The following CPSF2 variants were observed in gnomAD, a reference collection of about 807,000 sequenced individuals.
CPSF2 encodes the protein cleavage and polyadenylation specific factor 2, also known as cleavage and polyadenylation specificity factor subunit 2.
CPSF2 carries 51 observed loss-of-function variants against 84.2 expected under a neutral mutation model. The ratio of observed to expected loss-of-function variants is 0.61; its 90% CI spans 0.48 to 0.77. CPSF2 has a LOEUF of 0.77. CPSF2 is among the 30% of genes least tolerant of loss of function. CPSF2 has a pLI of 0.00. For missense variants in CPSF2, 641 were observed against 929.4 expected, an observed-to-expected ratio of 0.69 and a Z score of 4.03; for synonymous variants, 286 against 311.9, an observed-to-expected ratio of 0.92 and a Z score of 0.87.
chr14:92,167,606 A>G lies in CPSF2; in HGVS notation c.*5862A>G, dbSNP rs2069465241. On this transcript the variant is annotated 3_prime_UTR_variant, in exon 16 of 16. Coordinates refer to ENST00000298875, the MANE Select transcript of CPSF2 (RefSeq NM_017437.3). ...TGCTTTGGTTCCCTAGTGTACATTC[A>G]CTTTGCTTAGGAGTGATATGTTCAG... is the stretch of plus-strand genomic sequence containing the variant. The G allele has an allele frequency of 6.6e-6, 1 of 150,654 alleles. No individual in the cohort carries two copies. Among genetic ancestry groups the G allele is most frequent in the Non-Finnish European group, 1.5e-5 (1 of 67,704 alleles). 9.3% of individuals were successfully genotyped at this position (150,654 alleles called of 1,614,324 possible). A position where few individuals can be genotyped will look rare whatever the true frequency, so the allele number is the denominator to read the frequency against.
chr14:92,168,240 T>C lies in CPSF2; in HGVS notation c.*6496T>C. ...TCCATCTTGGGCGACAGAGCGCAAC[T>C]CTGTCTCCAAAAAAAAAAAAAAAAA... On this transcript the variant is annotated 3_prime_UTR_variant, in exon 16 of 16. Coordinates refer to ENST00000298875, the MANE Select transcript of CPSF2 (RefSeq NM_017437.3). 1.1e-5 allele frequency: 1 copy of C among 91,152 alleles called. No homozygotes were observed. The highest frequency in any genetic ancestry group is 4.5e-5 in the African/African-American group (1 of 22,004). The allele number at this position is 91,152 out of a possible 1,614,324, so 5.6% of individuals were successfully genotyped here.
At chr14:92,133,002 A>C (rs2068952614) in intron 3 of CPSF2, among the ~76,000 whole-genome samples, 1 of 152,110 alleles carries the variant, frequency 6.6e-6, no homozygotes, top group Non-Finnish European at 1.5e-5. Flanking sequence ...GAGGCAGGAG[A>C]GTTGCTTGAA....
intron 2 of CPSF2, among the ~76,000 whole-genome samples, chr14:92,128,081 T>A (rs1259955784): frequency 6.6e-6 from 1 of 151,932 alleles, no homozygotes; most frequent in African/African-American, 2.4e-5. Context: ...AAAGAGCAAA[T>A]AGCGTTAGCC....
At chr14:92,152,311 T>A (rs1233752930) in intron 9 of CPSF2, among the ~76,000 whole-genome samples, 3 of 151,778 alleles carry the variant, frequency 2.0e-5, no homozygotes, top group Non-Finnish European at 4.4e-5. Context: ...GTATTTTTAG[T>A]AGAGATGGGC....
chr14:92,166,204 G>A lies in CPSF2; in HGVS notation c.*4460G>A, dbSNP rs2069445122. On this transcript the variant is annotated 3_prime_UTR_variant, in exon 16 of 16. Coordinates refer to ENST00000298875, the MANE Select transcript of CPSF2 (RefSeq NM_017437.3). ...AAGCTATTCCTTCATTCAAAGTCAC[G>A]AAGGTTTACACTTAATTTTTTTCTA... is the stretch of plus-strand genomic sequence containing the variant. 1 of 151,820 alleles carries A rather than the reference G, an allele frequency of 6.6e-6. No homozygotes were observed. Among genetic ancestry groups the A allele is most frequent in the South Asian group, 2.1e-4 (1 of 4,820 alleles). 9.4% of individuals were successfully genotyped at this position (151,820 alleles called of 1,614,324 possible).
At position 92,170,412 on chromosome 14, in the gene CPSF2, A is replaced by G. The variant is rs1324323071; in HGVS notation, c.*8668A>G. On this transcript the variant is annotated 3_prime_UTR_variant, in exon 16 of 16. Coordinates refer to ENST00000298875, the MANE Select transcript of CPSF2 (RefSeq NM_017437.3). Reference sequence around the variant, plus strand: ...ATACTTAAGTGTATACTTTTTAAAAACAAGGACACTCCTACATAACCACAG... The same window carrying G: ...ATACTTAAGTGTATACTTTTTAAAAGCAAGGACACTCCTACATAACCACAG... 6.6e-6 allele frequency: 1 copy of G among 152,182 alleles called. No individual in the cohort carries two copies. The highest frequency in any genetic ancestry group is 2.4e-5 in the African/African-American group (1 of 41,450). The allele number at this position is 152,182 out of a possible 1,614,324, so 9.4% of individuals were successfully genotyped here.
intron 2 of CPSF2, among the ~76,000 whole-genome samples, chr14:92,128,186 G>T (rs896547215): frequency 4.6e-5 from 7 of 151,758 alleles, no homozygotes; most frequent in African/African-American, 1.7e-4. Context: ...AGTGAGCTGA[G>T]ATCTTGCCAC....
intron 9 of CPSF2, among the ~76,000 whole-genome samples, chr14:92,147,451 T>C (rs1025246069): frequency 6.6e-6 from 1 of 152,180 alleles, no homozygotes; most frequent in African/African-American, 2.4e-5. Context: ...GAGTTGGTTA[T>C]TCTAGAAATC....
intron 7 of CPSF2, among the ~76,000 whole-genome samples, chr14:92,139,735 C>T (rs147037524): frequency 0.018 from 2,693 of 150,746 alleles, 71 homozygotes; most frequent in East Asian, 0.13. Context: ...GATGGGGTTT[C>T]GCCATGTTGG....
intron 12 of CPSF2, 132 bp downstream of exon 12, chr14:92,156,763 TTTG>T: frequency 3.4e-6 from 2 of 596,202 alleles, no homozygotes; most frequent in Non-Finnish European, 5.4e-6. Flanking sequence ...AAAATTTATT[TTTG>T]TATGAAGAGA....
chr14:92,171,773 C>T lies in CPSF2; in HGVS notation c.*10029C>T. 1 of 152,184 alleles carries T rather than the reference C, an allele frequency of 6.6e-6. No homozygotes were observed. Among genetic ancestry groups the T allele is most frequent in the Non-Finnish European group, 1.5e-5 (1 of 68,022 alleles). The allele number at this position is 152,184 out of a possible 1,614,324, so 9.4% of individuals were successfully genotyped here. A position where few individuals can be genotyped will look rare whatever the true frequency, so the allele number is the denominator to read the frequency against. ...AACAAGTACACACTGATACCTATTT[C>T]ACATCTACTCCACAGAGTTTATTCT... On this transcript the variant is annotated 3_prime_UTR_variant, in exon 16 of 16. Coordinates refer to ENST00000298875, the MANE Select transcript of CPSF2 (RefSeq NM_017437.3).
chr14:92,135,274 A>T, intron 5 of CPSF2, 93 bp from the exon 6 acceptor site: 1 of 1,127,506 alleles, frequency 8.9e-7, no homozygotes, highest in Non-Finnish European at 1.2e-6. Context: ...TTGCATATAC[A>T]GTATTACCTA....
At position 92,142,545 on chromosome 14, in the gene CPSF2, A is replaced by C. The variant is rs371929178; in HGVS notation, c.849+194A>C. On this transcript the variant is annotated intron_variant, in intron 8 of 15. Coordinates refer to ENST00000298875, the MANE Select transcript of CPSF2 (RefSeq NM_017437.3). The stretch of plus-strand genomic sequence containing the variant: ...TAATTTAATCCCTATTTATTCTATT[A>C]AGTAGTTTCCATTGTGTCCCTGTTT... Among the ~76,000 whole-genome samples, 13 of 152,318 alleles carry C rather than the reference A, an allele frequency of 8.5e-5. No individual in the cohort carries two copies. In the East Asian group the frequency reaches 1.3e-3, roughly 16 times the overall value.
At chr14:92,152,010 CAA>C (rs60631190) in intron 9 of CPSF2, among the ~76,000 whole-genome samples, 47,570 of 140,526 alleles carry the variant, frequency 0.34, 8,683 homozygotes, top group East Asian at 0.56. Context: ...GACCCTGTCT[CAA>C]AAAAAAAAAA....
Position 92,155,321 on chromosome 14 carries a change from C to G in CPSF2, c.1440C>G (p.Ile480Met), listed in dbSNP as rs777963814. ...RIKWDEYGEI[I>M]KPEDFLVPEL... ...AATGGGATGAATATGGAGAGATTAT[C>G]AAGTATGTGAGCAAAACAAACTTTT... The change falls in exon 11 of 16, where the codon ATC becomes ATG. Residue 480 changes from isoleucine to methionine, a missense_variant and splice_region_variant. This residue lies in a region of CPSF2 where 430 missense variants were observed against 553.6 expected (regional missense o/e 0.78). Transcript: ENST00000298875. 1.2e-6 allele frequency: 2 copies of G among 1,611,980 alleles called. No individual in the cohort carries two copies. The highest frequency in any genetic ancestry group is 1.7e-5 in the Admixed American group (1 of 60,010).
intron 2 of CPSF2, 52 bp from the exon 3 acceptor site, chr14:92,130,899 A>G (rs1688265929): frequency 9.0e-7 from 1 of 1,112,016 alleles, no homozygotes; most frequent in Non-Finnish European, 1.3e-6. Context: ...TGTTTATTAT[A>G]TATGCCAGAC....
rs2069273921 is a variant in CPSF2, at chr14:92,155,252, A to G, written c.1371A>G (p.Ala457=). 6 of 1,614,102 alleles carry G rather than the reference A, an allele frequency of 3.7e-6. No individual in the cohort carries two copies. The highest frequency in any genetic ancestry group is 5.1e-6 in the Non-Finnish European group (6 of 1,179,962). Residue 457 remains alanine, a synonymous_variant, in exon 11 of 16, where the codon GCA becomes GCG. Transcript: ENST00000298875. ...GSRKGSFFKQ[A]KKSYPMFPAP... The stretch of plus-strand genomic sequence containing the variant: ...GTAAAGGAAGTTTTTTCAAACAGGC[A>G]AAAAAGTCCTATCCTATGTTTCCTG...
chr14:92,157,558 T>C lies in CPSF2; in HGVS notation c.1596-101T>C. 2 of 708,446 alleles carry C rather than the reference T, an allele frequency of 2.8e-6. No homozygotes were observed. 43.9% of individuals were successfully genotyped at this position (708,446 alleles called of 1,614,324 possible). ...AATCATACAGATACTATAACATGTGTATTTCTCAAATCCTAGTGTTATATA... is the reference window on the plus strand; with the variant it reads ...AATCATACAGATACTATAACATGTGCATTTCTCAAATCCTAGTGTTATATA... On this transcript the variant is annotated intron_variant, in intron 12 of 15. Coordinates refer to ENST00000298875, the MANE Select transcript of CPSF2 (RefSeq NM_017437.3). The surrounding 1 kb of genome is among the most constrained non-coding windows in gnomAD (Gnocchi z 4.0).
intron 6 of CPSF2, 63 bp from the exon 7 acceptor site, chr14:92,138,169 G>C: frequency 2.6e-6 from 2 of 781,512 alleles, no homozygotes; most frequent in South Asian, 4.0e-5. Context: ...TTTTAAGTAA[G>C]AGAAGCTATT....
Sources: gnomAD v4.1 joint callset for allele counts (sites outside exome capture counted in the v4.1 genomes callset) on GRCh38, gnomAD v4.1.1 for gene constraint, gnomAD v4.1.1 regional missense constraint, Gnocchi (gnomAD v3.1) non-coding constraint, MANE v1.5 for transcripts, NCBI Gene and HGNC (gene_info 2026-07-23, HGNC 2026-07-21) for gene names.